The following PALLD variants were observed in gnomAD, a reference collection of about 807,000 sequenced individuals.
PALLD encodes palladin.
In PALLD, 61 loss-of-function variants were observed where a neutral mutation model predicts 123.5. The ratio of observed to expected loss-of-function variants is 0.49; its 90% confidence interval spans 0.40 to 0.61. The LOEUF (loss-of-function observed/expected upper bound fraction) is 0.61, where lower values mean the gene tolerates loss of function less well. Among genes scored for constraint, PALLD ranks in the 20% least tolerant of loss-of-function variants. The pLI is 0.00. For synonymous variants in PALLD, 465 were observed against 496.4 expected, an observed-to-expected ratio of 0.94 and a Z score of 0.84; for missense variants, 1,273 against 1,377.0, an observed-to-expected ratio of 0.92 and a Z score of 1.20.
chr4:168,528,671 CA>C (rs1242243051), intron 2 of PALLD, among the ~76,000 whole-genome samples: 1 of 152,152 alleles, frequency 6.6e-6, no homozygotes, highest in Admixed American at 6.5e-5. Context: ...TTATTAACAC[CA>C]AAAGTTGGCT....
intron 2 of PALLD, among the ~76,000 whole-genome samples, chr4:168,658,493 C>A (rs930991315): frequency 1.3e-5 from 2 of 151,992 alleles, no homozygotes; most frequent in African/African-American, 4.8e-5. Context: ...TGTCATCTTG[C>A]CCAGACTGGT....
rs1387996889 is a variant in PALLD, at chr4:168,601,403, C to T, written c.909-66787C>T. Among the ~76,000 whole-genome samples the T allele has an allele frequency of 5.3e-5, 8 of 152,068 alleles. No individual in the cohort carries two copies. The South Asian group carries it at 1.0e-3, about 20-fold the overall frequency. ...AAGCAATGATTCATAAACTTCAATG[C>T]GTAGAATGCCATGAATAGCCTGTTA... On this transcript the variant is annotated intron_variant, in intron 2 of 21. Transcript: ENST00000505667.
intron 2 of PALLD, among the ~76,000 whole-genome samples, chr4:168,546,295 G>T (rs1369649600): frequency 6.8e-6 from 1 of 147,900 alleles, no homozygotes; most frequent in African/African-American, 2.5e-5. Context: ...AAATTCCAAC[G>T]CCCCCCACCC....
chr4:168,646,967 A>G (rs1777524028), intron 2 of PALLD, among the ~76,000 whole-genome samples: 1 of 152,254 alleles, frequency 6.6e-6, no homozygotes, highest in Admixed American at 6.5e-5. Context: ...GGTATTTATA[A>G]CACATACAAC....
chr4:168,580,122 A>G (rs62335501), intron 2 of PALLD, among the ~76,000 whole-genome samples: 14,773 of 151,966 alleles, frequency 0.097, 919 homozygotes, highest in South Asian at 0.18. Flanking sequence ...AGATCGTGCC[A>G]TGTTTGTCTT....
At chr4:168,631,953 C>A in intron 2 of PALLD, 3 of 966,010 alleles carry the variant, frequency 3.1e-6, no homozygotes, top group Non-Finnish European at 3.7e-6. Flanking sequence ...AGCTTTGCAG[C>A]CTTTCCAGGC....
intron 15 of PALLD, among the ~76,000 whole-genome samples, chr4:168,907,467 G>A (rs1758038156): frequency 6.6e-6 from 1 of 152,126 alleles, no homozygotes; most frequent in South Asian, 2.1e-4. Context: ...CAGCAGATGT[G>A]GCTGTGCCAC....
chr4:168,614,667 C>A (rs1269345183), intron 2 of PALLD, among the ~76,000 whole-genome samples: 1 of 152,112 alleles, frequency 6.6e-6, no homozygotes, highest in Non-Finnish European at 1.5e-5. Context: ...GGTCCCTAGA[C>A]CATCCACTAA....
At chr4:168,559,672 G>A (rs1460120840) in intron 2 of PALLD, among the ~76,000 whole-genome samples, 1 of 152,106 alleles carries the variant, frequency 6.6e-6, no homozygotes, top group East Asian at 1.9e-4. Context: ...CGAGGTGGGT[G>A]GATTGCTTGA....
rs1292447736 is a variant in PALLD, at chr4:168,878,244, C to T, written c.1965-12678C>T. ...CTGCCGCCGCCACCACCGCCGCTCC[C>T]GAGCCCGGGACAGGCGTCCCACTGC... is the stretch of plus-strand genomic sequence containing the variant. On this transcript the variant is annotated intron_variant, in intron 10 of 21. Transcript: ENST00000505667. 11 of 1,522,256 alleles carry T rather than the reference C, an allele frequency of 7.2e-6. No individual in the cohort carries two copies. Among genetic ancestry groups the T allele is most frequent in the East Asian group, 2.5e-5 (1 of 39,376 alleles). The allele number at this position is 1,522,256 out of a possible 1,614,324, so 94.3% of individuals were successfully genotyped here.
rs28364802 is a variant in PALLD, at chr4:168,926,511, A to AAAT, written c.*336_*338dup. On this transcript the variant is annotated 3_prime_UTR_variant, in exon 22 of 22. Transcript: ENST00000505667. ...ATAAGAAATTAAAAAAAAAACACCA[A>AAAT]AATAATATTTTTCTTACTTGATATA... The AAAT allele has an allele frequency of 1.6e-3, 1,088 of 660,364 alleles. 10 individuals carry two copies. The highest frequency in any genetic ancestry group is 0.016 in the Admixed American group (523 of 32,098). 40.9% of individuals were successfully genotyped at this position (660,364 alleles called of 1,614,324 possible). A position where few individuals can be genotyped will look rare whatever the true frequency, so the allele number is the denominator to read the frequency against.
At chr4:168,598,616 C>T in intron 2 of PALLD, 1 of 324,996 alleles carries the variant, frequency 3.1e-6, no homozygotes, top group South Asian at 2.8e-5. Context: ...CTCTTTAATA[C>T]CAGCTATATT....
At chr4:168,791,794 G>A (rs1737563155) in intron 10 of PALLD, among the ~76,000 whole-genome samples, 1 of 152,122 alleles carries the variant, frequency 6.6e-6, no homozygotes, top group Non-Finnish European at 1.5e-5. Context: ...CTGCCTTCTA[G>A]AGAACAGGAT....
Position 168,844,023 on chromosome 4 carries a change from A to G in PALLD, c.1965-46899A>G, listed in dbSNP as rs1746435589. ...GTAACCTTGAATTTTAGCAAACTAG[A>G]GAAGGAAGATGTGGGTGTCCTTTCC... On this transcript the variant is annotated intron_variant, in intron 10 of 21. Transcript: ENST00000505667. The surrounding 1 kb of genome is among the most constrained non-coding windows in gnomAD (Gnocchi z 4.5). The G allele has an allele frequency of 6.6e-6, 1 of 152,214 alleles. No individual in the cohort carries two copies. The highest frequency in any genetic ancestry group is 1.5e-5 in the Non-Finnish European group (1 of 68,036). 9.4% of individuals were successfully genotyped at this position (152,214 alleles called of 1,614,324 possible). A position where few individuals can be genotyped will look rare whatever the true frequency, so the allele number is the denominator to read the frequency against.
chr4:168,746,111 A>G (rs1730255202), intron 10 of PALLD, among the ~76,000 whole-genome samples: 1 of 152,124 alleles, frequency 6.6e-6, no homozygotes, highest in Non-Finnish European at 1.5e-5. Flanking sequence ...CTCGTCTTTC[A>G]CAACCTTGAA....
chr4:168,553,702 TTG>T, intron 2 of PALLD, among the ~76,000 whole-genome samples: 6 of 152,136 alleles, frequency 3.9e-5, no homozygotes, highest in Non-Finnish European at 8.8e-5. Flanking sequence ...GTTGTTGTTG[TTG>T]TTGTTGGCCT....
chr4:168,679,201 G>A (rs1213510500), intron 3 of PALLD, among the ~76,000 whole-genome samples: 2 of 102,632 alleles, frequency 1.9e-5, no homozygotes, highest in Non-Finnish European at 2.0e-5. Flanking sequence ...GGTGGGGTGA[G>A]TATGGATGTG....
intron 2 of PALLD, among the ~76,000 whole-genome samples, chr4:168,528,092 C>G (rs28491717): frequency 0.022 from 3,358 of 152,232 alleles, 130 homozygotes; most frequent in African/African-American, 0.077. Flanking sequence ...ACCCTCCTTG[C>G]ATTGTTTGAG....
chr4:168,804,148 A>G (rs1419375450), intron 10 of PALLD, among the ~76,000 whole-genome samples: 2 of 152,200 alleles, frequency 1.3e-5, no homozygotes. Context: ...TTGAAAATGT[A>G]TCCTCACAGA....
Sources: allele counts gnomAD v4.1 joint callset (sites outside exome capture counted in the v4.1 genomes callset), GRCh38; gene constraint gnomAD v4.1.1; non-coding constraint Gnocchi (gnomAD v3.1); transcripts MANE v1.5; gene names NCBI Gene and HGNC (gene_info 2026-07-23, HGNC 2026-07-21).